LMAN2L: variants seen among roughly 807,000 people sequenced by gnomAD.
The protein encoded by LMAN2L is lectin, mannose binding 2 like.
LMAN2L carries 30 observed loss-of-function variants against 44.3 expected under a neutral mutation model. The observed-to-expected ratio is 0.68, with a 90% confidence interval of 0.51 to 0.92. The LOEUF is 0.92. Among genes scored for constraint, LMAN2L ranks in the 40% least tolerant of loss-of-function variants. LMAN2L has a pLI of 0.00. For missense variants in LMAN2L, 429 were observed against 446.1 expected (o/e 0.96, Z 0.35); for synonymous variants, 183 against 171.1 (o/e 1.07, Z -0.54).
chr2:96,729,753 G>A (rs1467131706), intron 4 of LMAN2L, among the ~76,000 whole-genome samples: 3 of 152,052 alleles, frequency 2.0e-5, no homozygotes, highest in Non-Finnish European at 4.4e-5. Flanking sequence ...TGATCTGCCC[G>A]CCTCAGCCTC....
At chr2:96,737,279 A>G (rs564889632) in intron 2 of LMAN2L, 1 of 390,250 alleles carries the variant, frequency 2.6e-6, no homozygotes, top group African/African-American at 2.2e-5. Flanking sequence ...CTTTCACATG[A>G]AAATAAAATT....
At chr2:96,738,397 G>A (rs2078560447) in intron 1 of LMAN2L, among the ~76,000 whole-genome samples, 2 of 152,130 alleles carry the variant, frequency 1.3e-5, no homozygotes, top group Non-Finnish European at 2.9e-5. Flanking sequence ...GAGTTTGACA[G>A]GCCAGGTGCA....
chr2:96,711,411 C>A (rs1318567954), intron 6 of LMAN2L, among the ~76,000 whole-genome samples: 1 of 152,236 alleles, frequency 6.6e-6, no homozygotes, highest in Non-Finnish European at 1.5e-5. Flanking sequence ...GAAGAGCCAG[C>A]TTAATGAAGG....
rs116777036 is a variant in LMAN2L, at chr2:96,725,817, A to T, written c.507+7702T>A. Among the ~76,000 whole-genome samples the T allele has an allele frequency of 5.0e-3, 765 of 151,816 alleles. 10 individuals carry two copies. Among genetic ancestry groups the T allele is most frequent in the African/African-American group, 0.017 (701 of 41,422 alleles). On this transcript the variant is annotated intron_variant, in intron 4 of 7. Transcript: ENST00000264963. ...AGTTGTTTTCTCATTTCATTTTCAG[A>T]TTGTTCACTGAAAATATATAGAAAT... is the stretch of plus-strand genomic sequence containing the variant.
Position 96,711,641 on chromosome 2 carries a change from T to C in LMAN2L, c.784+15A>G, listed in dbSNP as rs1467945066. ...GGCCTCAGTCAGGGCAAACCAAGAG[T>C]GCGCGTGGCAGTACCTGAGAGATCC... On this transcript the variant is annotated intron_variant, in intron 6 of 7. Transcript: ENST00000264963. 7.6e-6 allele frequency: 12 copies of C among 1,569,198 alleles called. No homozygotes were observed. The highest frequency in any genetic ancestry group is 1.1e-5 in the Non-Finnish European group (12 of 1,140,668).
intron 4 of LMAN2L, among the ~76,000 whole-genome samples, chr2:96,716,401 T>C (rs1558951318): frequency 6.6e-6 from 1 of 152,204 alleles, no homozygotes; most frequent in Non-Finnish European, 1.5e-5. Context: ...CTGGAGTTCA[T>C]ACACTGGCAT....
chr2:96,712,075 C>T lies in LMAN2L; in HGVS notation c.508-50G>A, dbSNP rs370436601. 318 of 1,580,832 alleles carry T rather than the reference C, an allele frequency of 2.0e-4. 1 individual carries two copies. The highest frequency in any genetic ancestry group is 3.4e-4 in the Admixed American group (20 of 59,488). On this transcript the variant is annotated intron_variant, in intron 4 of 7. Coordinates refer to ENST00000264963, the MANE Select transcript of LMAN2L (RefSeq NM_030805.4). Reference sequence around the variant, plus strand: ...GACACTAAGGAAGAGCACATAGGAACGCCTGTACAAACAGCAACAGGAATT... The same window carrying T: ...GACACTAAGGAAGAGCACATAGGAATGCCTGTACAAACAGCAACAGGAATT...
Position 96,734,408 on chromosome 2 carries a change from C to T in LMAN2L, c.424+1G>A. 1.9e-6 allele frequency: 3 copies of T among 1,575,904 alleles called. No individual in the cohort carries two copies. Among genetic ancestry groups the T allele is most frequent in the South Asian group, 1.1e-5 (1 of 90,282 alleles). On this transcript the variant is annotated splice_donor_variant, in intron 3 of 7. Transcript: ENST00000264963. LOFTEE classifies it high-confidence loss of function. ...ACAAGAGTAACACAGGCTCCCAATA[C>T]CTGGCTGCATCCGATCCTTTGTGTA...
chr2:96,707,296 T>C lies in LMAN2L; in HGVS notation c.1007A>G (p.Tyr336Cys). 2 of 1,614,020 alleles carry C rather than the reference T, an allele frequency of 1.2e-6. No individual in the cohort carries two copies. The highest frequency in any genetic ancestry group is 2.2e-5 in the South Asian group (2 of 91,066). Reference sequence around the variant, plus strand: ...TCGGCTCTGTTCCTGCCATTTGTTGTAGAGTATGATACCAATGACTATGGC... The same window carrying C: ...TCGGCTCTGTTCCTGCCATTTGTTGCAGAGTATGATACCAATGACTATGGC... Reference protein sequence around the residue: ...VFAIVIGIILYNKWQEQSRKR... With the variant: ...VFAIVIGIILCNKWQEQSRKR... Residue 336 changes from tyrosine to cysteine, a missense_variant, in exon 8 of 8, where the codon TAC becomes TGC. Coordinates refer to ENST00000264963, the MANE Select transcript of LMAN2L (RefSeq NM_030805.4).
intron 4 of LMAN2L, among the ~76,000 whole-genome samples, chr2:96,714,581 A>C (rs1210537163): frequency 6.6e-6 from 1 of 152,236 alleles, no homozygotes; most frequent in Non-Finnish European, 1.5e-5. Flanking sequence ...GTATGCTCAT[A>C]ATTTCAGTGA....
chr2:96,710,049 C>T (rs952973166), intron 6 of LMAN2L, among the ~76,000 whole-genome samples: 1 of 152,124 alleles, frequency 6.6e-6, no homozygotes, highest in African/African-American at 2.4e-5. Context: ...ATCCCCCTGC[C>T]GAGACTAAAT....
At chr2:96,735,075 T>C (rs947168505) in intron 2 of LMAN2L, among the ~76,000 whole-genome samples, 20 of 152,228 alleles carry the variant, frequency 1.3e-4, no homozygotes, top group Admixed American at 3.9e-4. Context: ...TCTGCCAAGC[T>C]GAGGGGTAAG....
rs2078599366 is a variant in LMAN2L, at chr2:96,739,916, A to G, written c.125T>C (p.Val42Ala). Residue 42 changes from valine to alanine, a missense_variant, in exon 1 of 8, where the codon GTC becomes GCC. Val to Ala is a moderately conservative substitution (Grantham distance 64, BLOSUM62 0). Coordinates refer to ENST00000264963, the MANE Select transcript of LMAN2L (RefSeq NM_030805.4). ...GTACTCGAACGTTTGACCCGCCCCG[A>G]CTTGCTGTGGCCCCTGCCCAGACCC... ...LLGSGQGPQQ[V>A]GAGQTFEYLK... is the part of the protein sequence containing the mutation. 2 of 1,614,014 alleles carry G rather than the reference A, an allele frequency of 1.2e-6. No homozygotes were observed. Among genetic ancestry groups the G allele is most frequent in the Non-Finnish European group, 1.7e-6 (2 of 1,180,018 alleles).
intron 2 of LMAN2L, among the ~76,000 whole-genome samples, chr2:96,735,468 C>G (rs571607942): frequency 1.2e-4 from 19 of 152,174 alleles, no homozygotes; most frequent in Non-Finnish European, 2.2e-4. Flanking sequence ...GAGCAAGGGG[C>G]CTGAAATCTC....
At chr2:96,733,359 C>T (rs62156212) in intron 4 of LMAN2L, among the ~76,000 whole-genome samples, 160 bp downstream of exon 4, 11,692 of 152,116 alleles carry the variant, frequency 0.077, 497 homozygotes, top group Middle Eastern at 0.16. Context: ...CCTAAATAGT[C>T]CCTTTAGAAA....
chr2:96,719,641 G>A (rs1256679277), intron 4 of LMAN2L, among the ~76,000 whole-genome samples: 2 of 151,896 alleles, frequency 1.3e-5, no homozygotes, highest in Non-Finnish European at 2.9e-5. Flanking sequence ...TGTTGCCCAT[G>A]CTGGAGTGCA....
chr2:96,729,131 C>T (rs2078338748), intron 4 of LMAN2L, among the ~76,000 whole-genome samples: 1 of 151,818 alleles, frequency 6.6e-6, no homozygotes, highest in South Asian at 2.1e-4. Context: ...GAGATCGCAC[C>T]ACTGCACTCC....
At chr2:96,723,939 T>TAA (rs1160596972) in intron 4 of LMAN2L, among the ~76,000 whole-genome samples, 13 of 145,950 alleles carry the variant, frequency 8.9e-5, no homozygotes, top group Admixed American at 5.5e-4. Context: ...ACATATATAT[T>TAA]AAAAAAAAAA....
intron 4 of LMAN2L, among the ~76,000 whole-genome samples, chr2:96,717,605 C>T (rs1468391101): frequency 6.6e-5 from 10 of 151,396 alleles, no homozygotes; most frequent in Non-Finnish European, 1.0e-4. Flanking sequence ...TTTGTGAGGC[C>T]GAGGCAGGTG....
Sources: gnomAD v4.1 joint callset for allele counts (sites outside exome capture counted in the v4.1 genomes callset) on GRCh38, gnomAD v4.1.1 for gene constraint, MANE v1.5 for transcripts, NCBI Gene and HGNC (gene_info 2026-07-23, HGNC 2026-07-21) for gene names.